Variants in GALNT13 observed in about 807,000 individuals in gnomAD.
The protein encoded by GALNT13 is polypeptide N-acetylgalactosaminyltransferase 13, also known as UDP-GalNAc:polypeptide N-acetylgalactosaminyltransferase 13.
GALNT13 carries 28 observed loss-of-function variants against 64.2 expected under a neutral mutation model. The ratio of observed to expected loss-of-function variants is 0.44; its 90% confidence interval spans 0.32 to 0.60. The LOEUF (loss-of-function observed/expected upper bound fraction) is 0.60, where lower values mean the gene tolerates loss of function less well. GALNT13 is among the 20% of genes least tolerant of loss of function. The pLI is 0.05. For synonymous variants in GALNT13, 214 were observed against 224.6 expected (o/e 0.95, Z 0.42); for missense variants, 577 against 669.8 (o/e 0.86, Z 1.53).
At chr2:153,913,499 C>T (rs904172086) in intron 2 of GALNT13, among the ~76,000 whole-genome samples, 5 of 152,098 alleles carry the variant, frequency 3.3e-5, no homozygotes, top group African/African-American at 9.7e-5. Flanking sequence ...AATGGGCAGC[C>T]CTGACCATGC....
chr2:153,145,910 T>C, the GALNT13 span, among the ~76,000 whole-genome samples: 5 of 151,926 alleles, frequency 3.3e-5, no homozygotes, highest in East Asian at 9.8e-4. Context: ...ATAATAAACA[T>C]AGCAGGAAGG....
the GALNT13 span, among the ~76,000 whole-genome samples, chr2:153,284,157 C>A: frequency 2.0e-5 from 3 of 152,092 alleles, no homozygotes; most frequent in Non-Finnish European, 2.9e-5. Flanking sequence ...ATGAAGAGAG[C>A]CCTACTGCAC....
chr2:153,627,335 C>T, the GALNT13 span, among the ~76,000 whole-genome samples: 9 of 151,936 alleles, frequency 5.9e-5, no homozygotes, highest in African/African-American at 1.9e-4. Flanking sequence ...ATTTTATATT[C>T]CTTGCATGTG....
At chr2:154,070,601 T>G (rs1469535768) in intron 3 of GALNT13, among the ~76,000 whole-genome samples, 1 of 152,124 alleles carries the variant, frequency 6.6e-6, no homozygotes, top group Non-Finnish European at 1.5e-5. Flanking sequence ...TATATTGTGA[T>G]AAACAGAGAT....
At chr2:154,352,801 T>A (rs1236068071) in intron 9 of GALNT13, among the ~76,000 whole-genome samples, 2 of 152,208 alleles carry the variant, frequency 1.3e-5, no homozygotes, top group Non-Finnish European at 2.9e-5. Context: ...TCACTGTCTT[T>A]CAGCTCTGTC....
chr2:153,526,941 G>A, the GALNT13 span, among the ~76,000 whole-genome samples: 58 of 152,066 alleles, frequency 3.8e-4, no homozygotes, highest in Non-Finnish European at 7.6e-4. Flanking sequence ...GCAGAACTGA[G>A]CAGAAGAAGA....
At chr2:153,567,252 G>A in the GALNT13 span, among the ~76,000 whole-genome samples, 1 of 152,172 alleles carries the variant, frequency 6.6e-6, no homozygotes, top group Non-Finnish European at 1.5e-5. Flanking sequence ...GTTGTCAGAA[G>A]GGCCAGGTTG....
the GALNT13 span, among the ~76,000 whole-genome samples, chr2:153,809,998 T>C: frequency 6.6e-6 from 1 of 152,206 alleles, no homozygotes; most frequent in African/African-American, 2.4e-5. Context: ...AGTTGCTCTG[T>C]CATCCAGGCT....
chr2:153,738,774 C>T, the GALNT13 span, among the ~76,000 whole-genome samples: 2 of 151,878 alleles, frequency 1.3e-5, no homozygotes, highest in African/African-American at 2.4e-5. Flanking sequence ...ACTTCCTATA[C>T]ATGTTATAAT....
intron 9 of GALNT13, among the ~76,000 whole-genome samples, chr2:154,312,003 A>T (rs1021815499): frequency 6.6e-6 from 1 of 152,102 alleles, no homozygotes; most frequent in Non-Finnish European, 1.5e-5. Context: ...TCAAACACAC[A>T]TGCTGTACAA....
chr2:153,349,234 C>T, the GALNT13 span, among the ~76,000 whole-genome samples: 2 of 152,018 alleles, frequency 1.3e-5, no homozygotes, highest in African/African-American at 4.8e-5. Flanking sequence ...AAACCCTAAG[C>T]TCTGTGAACC....
intron 9 of GALNT13, among the ~76,000 whole-genome samples, chr2:154,389,696 A>G (rs1256239727): frequency 2.6e-5 from 4 of 152,196 alleles, no homozygotes; most frequent in Admixed American, 1.3e-4. Context: ...TCCCTGAGAC[A>G]ATGAGTATTG....
At chr2:153,572,740 T>C in the GALNT13 span, among the ~76,000 whole-genome samples, 1 of 151,994 alleles carries the variant, frequency 6.6e-6, no homozygotes, top group Non-Finnish European at 1.5e-5. Flanking sequence ...TTCTATGTAT[T>C]TGTATAGTTT....
chr2:153,611,357 G>A, the GALNT13 span, among the ~76,000 whole-genome samples: 7 of 151,826 alleles, frequency 4.6e-5, no homozygotes, highest in Non-Finnish European at 7.4e-5. Context: ...CCCCCCGTCC[G>A]CCTTTTTTTA....
the GALNT13 span, among the ~76,000 whole-genome samples, chr2:153,333,442 G>A: frequency 1.3e-5 from 2 of 152,048 alleles, no homozygotes; most frequent in African/African-American, 4.8e-5. Flanking sequence ...TTGGATCAAT[G>A]GTGTCCTTCA....
chr2:153,811,655 C>T, the GALNT13 span, among the ~76,000 whole-genome samples: 450 of 152,304 alleles, frequency 3.0e-3, 2 homozygotes, highest in African/African-American at 0.011. Context: ...AGAGAAATTG[C>T]AAGCCAAAGC....
At chr2:153,308,314 T>C in the GALNT13 span, among the ~76,000 whole-genome samples, 1 of 152,304 alleles carries the variant, frequency 6.6e-6, no homozygotes, top group South Asian at 2.1e-4. Flanking sequence ...AACCTGACCT[T>C]GTCCATTTGA....
the GALNT13 span, among the ~76,000 whole-genome samples, chr2:153,458,411 G>A: frequency 6.6e-6 from 1 of 152,028 alleles, no homozygotes; most frequent in South Asian, 2.1e-4. Flanking sequence ...CCTGCCATTG[G>A]GTCTTTGCAC....
intron 4 of GALNT13, among the ~76,000 whole-genome samples, chr2:154,170,490 T>C (rs984831942): frequency 6.6e-6 from 1 of 152,142 alleles, no homozygotes; most frequent in African/African-American, 2.4e-5. Flanking sequence ...CTACACCTGC[T>C]TCCTGGAATA....
Sources: gnomAD v4.1 joint callset for allele counts (sites outside exome capture counted in the v4.1 genomes callset) on GRCh38, gnomAD v4.1.1 for gene constraint, MANE v1.5 for transcripts, NCBI Gene and HGNC (gene_info 2026-07-23, HGNC 2026-07-21) for gene names.